CCDC195: variants seen among roughly 807,000 people sequenced by gnomAD.
CCDC195 encodes the protein coiled-coil domain containing 195, also known as coiled-coil domain-containing protein 195.
At chr2:224,706,760 T>C (rs959437042) in intron 2 of CCDC195, among the ~76,000 whole-genome samples, 3 of 151,878 alleles carry the variant, frequency 2.0e-5, no homozygotes, top group African/African-American at 7.3e-5. Context: ...TCTGCCCACC[T>C]CAGCCTCCCA....
At chr2:224,704,132 A>T (rs1697209961) in intron 2 of CCDC195, among the ~76,000 whole-genome samples, 1 of 152,214 alleles carries the variant, frequency 6.6e-6, no homozygotes, top group African/African-American at 2.4e-5. Context: ...TGAGGGAGAG[A>T]CTATATGGCT....
intron 2 of CCDC195, among the ~76,000 whole-genome samples, chr2:224,707,997 TC>T (rs1273571509): frequency 7.3e-4 from 18 of 24,808 alleles, no homozygotes; most frequent in African/African-American, 2.5e-3. Flanking sequence ...CCTCCCTCCC[TC>T]CCTTCCTTCC....
Position 224,709,964 on chromosome 2 carries a change from T to C in CCDC195, c.482+9A>G, listed in dbSNP as rs1574756640. The C allele has an allele frequency of 5.0e-6, 2 of 398,632 alleles. No individual in the cohort carries two copies. The allele number at this position is 398,632 out of a possible 1,614,324, so 24.7% of individuals were successfully genotyped here. On this transcript the variant is annotated intron_variant, in intron 2 of 2. Transcript: ENST00000638102. ...CCTATTCACCAGCTTGAAGTGTATTTTACATTACCTGCAACCACAAACATG... is the reference window on the plus strand; with the variant it reads ...CCTATTCACCAGCTTGAAGTGTATTCTACATTACCTGCAACCACAAACATG...
At chr2:224,713,635 T>C (rs1046320301) in intron 1 of CCDC195, among the ~76,000 whole-genome samples, 7 of 152,208 alleles carry the variant, frequency 4.6e-5, no homozygotes, top group Non-Finnish European at 1.0e-4. Flanking sequence ...TCTTCCTACT[T>C]ACATTACTTG....
chr2:224,712,407 A>C (rs992541819), intron 1 of CCDC195, among the ~76,000 whole-genome samples: 1 of 152,242 alleles, frequency 6.6e-6, no homozygotes, highest in Non-Finnish European at 1.5e-5. Context: ...TTTCATATCT[A>C]CCAAATATTT....
At chr2:224,706,509 C>CTTTT (rs35298629) in intron 2 of CCDC195, among the ~76,000 whole-genome samples, 2 of 95,728 alleles carry the variant, frequency 2.1e-5, no homozygotes, top group Non-Finnish European at 4.3e-5. Context: ...CTGGCTGTAA[C>CTTTT]TTTTTTTTTT....
intron 2 of CCDC195, 66 bp from the exon 3 acceptor site, chr2:224,703,953 A>AT (rs531691140): frequency 5.0e-6 from 2 of 397,790 alleles, no homozygotes; most frequent in Middle Eastern, 6.3e-4. Context: ...AACATTGATG[A>AT]TTTTTCCCCC....
chr2:224,705,478 C>T (rs1034533698), intron 2 of CCDC195, among the ~76,000 whole-genome samples: 17 of 152,116 alleles, frequency 1.1e-4, no homozygotes, highest in Admixed American at 3.3e-4. Context: ...AAAATATTTT[C>T]GTGGTATAAT....
chr2:224,707,400 G>A (rs1377269788), intron 2 of CCDC195, among the ~76,000 whole-genome samples: 1 of 152,130 alleles, frequency 6.6e-6, no homozygotes, highest in Non-Finnish European at 1.5e-5. Context: ...CACTGGTAAT[G>A]CTCCTACCCA....
intron 2 of CCDC195, among the ~76,000 whole-genome samples, chr2:224,708,638 G>A (rs1365197152): frequency 6.6e-6 from 1 of 152,158 alleles, no homozygotes. Context: ...CACATCCTGT[G>A]GGAAGTCCAG....
chr2:224,707,972 TTCCCTCCCTCCCTCCC>T (rs145247434), intron 2 of CCDC195, among the ~76,000 whole-genome samples: 27 of 59,180 alleles, frequency 4.6e-4, no homozygotes, highest in Admixed American at 7.1e-4. Flanking sequence ...CCCTCCCTTC[TTCCCTCCCTCCCTCCC>T]TCCCTCCCTC....
At chr2:224,711,361 G>GTTTTTTT (rs563860657) in intron 1 of CCDC195, among the ~76,000 whole-genome samples, 11 of 138,094 alleles carry the variant, frequency 8.0e-5, no homozygotes, top group African/African-American at 2.7e-4. Context: ...AATCTTCCCT[G>GTTTTTTT]TTTTTTTTTT....
intron 2 of CCDC195, among the ~76,000 whole-genome samples, chr2:224,704,491 C>A (rs1241826975): frequency 6.6e-6 from 1 of 151,218 alleles, no homozygotes; most frequent in African/African-American, 2.4e-5. Context: ...GCCTTTTCTT[C>A]ATTTTTGTTC....
intron 2 of CCDC195, among the ~76,000 whole-genome samples, chr2:224,707,726 C>T (rs1689232263): frequency 6.6e-6 from 1 of 152,116 alleles, no homozygotes; most frequent in Non-Finnish European, 1.5e-5. Context: ...GAGAATCCTG[C>T]CCAACATGCA....
chr2:224,714,208 A>G (rs1689354961), intron 1 of CCDC195, among the ~76,000 whole-genome samples: 1 of 152,294 alleles, frequency 6.6e-6, no homozygotes, highest in South Asian at 2.1e-4. Context: ...CTGAAGAAGT[A>G]TGATATCAAT....
chr2:224,710,763 G>A (rs1689311264), intron 1 of CCDC195, among the ~76,000 whole-genome samples: 1 of 152,158 alleles, frequency 6.6e-6, no homozygotes, highest in Admixed American at 6.5e-5. Context: ...AAATTCCAGA[G>A]TTCACCTTCT....
chr2:224,712,027 C>T (rs1051280423), intron 1 of CCDC195, among the ~76,000 whole-genome samples: 1 of 152,088 alleles, frequency 6.6e-6, no homozygotes, highest in Non-Finnish European at 1.5e-5. Context: ...GATACTGAAT[C>T]GTAGGAAAAC....
intron 2 of CCDC195, among the ~76,000 whole-genome samples, chr2:224,709,158 G>A (rs1452090314): frequency 7.2e-6 from 1 of 138,684 alleles, no homozygotes; most frequent in African/African-American, 2.7e-5. Flanking sequence ...GTACTATCTC[G>A]GCTCACTGCA....
In CCDC195 at chr2:224,711,361, G is replaced by GTTTTT. The variant is rs563860657; in HGVS notation, c.236-1147_236-1143dup. On this transcript the variant is annotated intron_variant, in intron 1 of 2. Coordinates refer to ENST00000638102, the Ensembl canonical transcript of CCDC195. ...CCTTGAGGTAAATCAAATCTTCCCT[G>GTTTTT]TTTTTTTTTTTTTTTTTAATAATGA... Among the ~76,000 whole-genome samples the GTTTTT allele has an allele frequency of 6.5e-3, 891 of 138,068 alleles. 13 individuals are homozygous for GTTTTT. The highest frequency in any genetic ancestry group is 0.023 in the African/African-American group (854 of 37,634). 90.6% of individuals were successfully genotyped at this position (138,068 alleles called of 152,430 possible). A position where few individuals can be genotyped will look rare whatever the true frequency, so the allele number is the denominator to read the frequency against.
Sources: allele counts gnomAD v4.1 joint callset (sites outside exome capture counted in the v4.1 genomes callset), GRCh38; gene constraint gnomAD v4.1.1; transcripts MANE v1.5; gene names NCBI Gene and HGNC (gene_info 2026-07-23, HGNC 2026-07-21).